AFF3: variants seen among roughly 807,000 people sequenced by gnomAD.
AFF3 encodes the protein AF4/FMR2 family member 3.
A neutral mutation model predicts 129.7 loss-of-function variants in AFF3; 32 were observed. The ratio of observed to expected loss-of-function variants is 0.25; its 90% CI spans 0.19 to 0.33. AFF3 has a LOEUF of 0.33. Ranked by LOEUF, AFF3 falls within the 10% of genes least tolerant of loss-of-function variation. AFF3 has a pLI of 1.00. For missense variants in AFF3, 1,373 were observed against 1,592.0 expected (o/e 0.86, Z 2.34); for synonymous variants, 644 against 635.4 (o/e 1.01, Z -0.20).
At position 99,859,530 on chromosome 2, in the gene AFF3, C is replaced by T. The variant is rs187904220; in HGVS notation, c.874-22006G>A. 5.1e-3 allele frequency among the ~76,000 whole-genome samples: 784 copies of T among 152,300 alleles called. 6 individuals are homozygous for T. Among genetic ancestry groups the T allele is most frequent in the Non-Finnish European group, 8.7e-3 (593 of 68,032 alleles). ...TTATGAATATGCTAACTAACCAGATCCTAAGCCAATACCTAATCCTAGAGG... is the reference window on the plus strand; with the variant it reads ...TTATGAATATGCTAACTAACCAGATTCTAAGCCAATACCTAATCCTAGAGG... On this transcript the variant is annotated intron_variant, in intron 7 of 24. Coordinates refer to ENST00000672756, the MANE Select transcript of AFF3 (RefSeq NM_001386135.1).
chr2:100,074,942 TA>T (rs1688473851), intron 4 of AFF3, among the ~76,000 whole-genome samples: 1 of 152,222 alleles, frequency 6.6e-6, no homozygotes, highest in Admixed American at 6.5e-5. Flanking sequence ...CCTGCAGAGA[TA>T]AAAGTATCCT....
chr2:100,000,301 G>C (rs1405081676), intron 7 of AFF3, among the ~76,000 whole-genome samples: 1 of 152,038 alleles, frequency 6.6e-6, no homozygotes, highest in African/African-American at 2.4e-5. Flanking sequence ...GATAATAATA[G>C]CTCAGAAAAA....
chr2:99,571,109 C>T (rs1676435479), intron 18 of AFF3, among the ~76,000 whole-genome samples: 1 of 152,168 alleles, frequency 6.6e-6, no homozygotes, highest in Admixed American at 6.5e-5. Flanking sequence ...GTTTTTGGCA[C>T]ACGGTAGAAG....
intron 4 of AFF3, among the ~76,000 whole-genome samples, chr2:100,015,858 T>C (rs2104811899): frequency 6.7e-6 from 1 of 149,712 alleles, no homozygotes; most frequent in South Asian, 2.1e-4. Flanking sequence ...GCGATGGTGG[T>C]GATAGTGGTG....
rs1272050451 is a variant in AFF3 at position 99,548,889 on chromosome 2, G to A, written c.*2585C>T. On this transcript the variant is annotated 3_prime_UTR_variant, in exon 25 of 25. Coordinates refer to ENST00000672756, the MANE Select transcript of AFF3 (RefSeq NM_001386135.1). ...ACCCCACAGAAACTGCTGTACCAAC[G>A]TGCTCCACACGTGCTCCACAGATGA... 6 of 224,748 alleles carry A rather than the reference G, an allele frequency of 2.7e-5. No homozygotes were observed. Among genetic ancestry groups the A allele is most frequent in the African/African-American group, 7.9e-5 (3 of 38,130 alleles). The allele number at this position is 224,748 out of a possible 1,614,324, so 13.9% of individuals were successfully genotyped here.
chr2:99,696,806 G>A (rs973856576), intron 11 of AFF3, among the ~76,000 whole-genome samples: 4 of 152,078 alleles, frequency 2.6e-5, no homozygotes, highest in Non-Finnish European at 5.9e-5. Context: ...ACCATGCCCA[G>A]CTAATTTTAA....
At chr2:99,776,561 A>G (rs1316359093) in intron 8 of AFF3, among the ~76,000 whole-genome samples, 1 of 152,240 alleles carries the variant, frequency 6.6e-6, no homozygotes, top group Admixed American at 6.5e-5. Context: ...AAATCAAAAC[A>G]TAATCACCTG....
chr2:100,093,576 T>C (rs559189609), intron 4 of AFF3, among the ~76,000 whole-genome samples: 1 of 152,276 alleles, frequency 6.6e-6, no homozygotes, highest in East Asian at 1.9e-4. Context: ...ACTCTACTTA[T>C]TGAAAAAAAT....
chr2:99,825,115 C>A (rs570876953), intron 8 of AFF3, among the ~76,000 whole-genome samples: 17 of 152,274 alleles, frequency 1.1e-4, no homozygotes, highest in African/African-American at 4.1e-4. Context: ...AATGGCACAT[C>A]CACACATCAG....
chr2:99,944,099 C>T (rs1675331492), intron 7 of AFF3, among the ~76,000 whole-genome samples: 1 of 152,032 alleles, frequency 6.6e-6, no homozygotes, highest in African/African-American at 2.4e-5. Context: ...AAGGGTCTCC[C>T]TAAATTACCA....
rs770142712 is a variant in AFF3, at chr2:99,593,291, G to A, written c.2370C>T (p.Ser790=). 3.7e-6 allele frequency: 6 copies of A among 1,613,852 alleles called. No homozygotes were observed. Among genetic ancestry groups the A allele is most frequent in the East Asian group, 2.2e-5 (1 of 44,848 alleles). Residue 790 remains serine (S), a synonymous_variant, in exon 15 of 25, where the codon AGC becomes AGT. Coordinates refer to ENST00000672756, the MANE Select transcript of AFF3 (RefSeq NM_001386135.1). The stretch of plus-strand genomic sequence containing the variant: ...TCTCAGAGTCCTTGGTGGCAGGGGC[G>A]CTCAATACCCCTGGCTCCTGGGGCA... The part of the protein sequence containing the change: ...EHLPQEPGVL[S]APATKDSESA...
rs1674875580 is a variant in AFF3 at position 99,939,975 on chromosome 2, C to CTA, written c.873+66655_873+66656dup. Among the ~76,000 whole-genome samples the CTA allele has an allele frequency of 2.0e-5, 3 of 152,124 alleles. No homozygotes were observed. In the South Asian group the frequency reaches 6.2e-4, roughly 32 times the overall value. ...TTAGATGATAGTTAGATGTGTTATG[C>CTA]TATAGTCATTTAAAAGTTAATTTTG... On this transcript the variant is annotated intron_variant, in intron 7 of 24. Coordinates refer to ENST00000672756, the MANE Select transcript of AFF3 (RefSeq NM_001386135.1).
intron 4 of AFF3, among the ~76,000 whole-genome samples, chr2:100,075,319 A>G (rs1397992921): frequency 6.6e-6 from 1 of 152,130 alleles, no homozygotes; most frequent in African/African-American, 2.4e-5. Context: ...TTTAGCAAAG[A>G]CGTCTTCAAG....
chr2:99,697,244 C>T (rs1676379034), intron 11 of AFF3, among the ~76,000 whole-genome samples: 1 of 152,222 alleles, frequency 6.6e-6, no homozygotes, highest in Non-Finnish European at 1.5e-5. Flanking sequence ...CTAAATGCCA[C>T]ATGGAGTCCT....
intron 4 of AFF3, among the ~76,000 whole-genome samples, chr2:100,096,238 C>G (rs1012376063): frequency 6.6e-6 from 1 of 151,852 alleles, no homozygotes; most frequent in Admixed American, 6.6e-5. Flanking sequence ...CATTCGAGCC[C>G]GATACAACAG....
At chr2:99,778,080 G>T (rs1684085938) in intron 8 of AFF3, among the ~76,000 whole-genome samples, 1 of 151,644 alleles carries the variant, frequency 6.6e-6, no homozygotes. Context: ...GGTTTCAGTT[G>T]GTTTGTTCCA....
intron 11 of AFF3, among the ~76,000 whole-genome samples, chr2:99,682,500 G>A (rs1674625622): frequency 6.6e-6 from 1 of 152,216 alleles, no homozygotes. Flanking sequence ...GAAACCACAA[G>A]GCAGCGCTGG....
chr2:99,823,514 A>G (rs1367062884), intron 8 of AFF3, among the ~76,000 whole-genome samples: 2 of 152,242 alleles, frequency 1.3e-5, no homozygotes, highest in Admixed American at 1.3e-4. Flanking sequence ...TATTGAAAAG[A>G]TATTTACAAG....
chr2:100,021,357 A>G (rs1317544967), intron 4 of AFF3, among the ~76,000 whole-genome samples: 1 of 152,230 alleles, frequency 6.6e-6, no homozygotes, highest in Admixed American at 6.5e-5. Context: ...ACACTGGCAC[A>G]GAGTGGGCAC....
Sources: gnomAD v4.1 joint callset for allele counts (sites outside exome capture counted in the v4.1 genomes callset) on GRCh38, gnomAD v4.1.1 for gene constraint, MANE v1.5 for transcripts, NCBI Gene and HGNC (gene_info 2026-07-23, HGNC 2026-07-21) for gene names.